SPTB: variants seen among roughly 807,000 people sequenced by gnomAD.
The protein encoded by SPTB is spectrin beta chain, erythrocytic.
A neutral mutation model predicts 256.2 loss-of-function variants in SPTB; 45 were observed. The ratio of observed to expected loss-of-function variants is 0.18; its 90% CI spans 0.14 to 0.23. SPTB has a LOEUF of 0.23. Ranked by LOEUF, SPTB falls within the 10% of genes least tolerant of loss-of-function variation. The pLI, the probability that SPTB is intolerant of heterozygous loss-of-function variation, is 1.00. For missense variants in SPTB, 2,715 were observed against 3,040.4 expected, an observed-to-expected ratio of 0.89 and a Z score of 2.52; for synonymous variants, 1,231 against 1,243.1, an observed-to-expected ratio of 0.99 and a Z score of 0.21.
intron 1 of SPTB, among the ~76,000 whole-genome samples, chr14:64,837,262 T>C (rs915235433): frequency 3.3e-5 from 5 of 152,204 alleles, no homozygotes; most frequent in Non-Finnish European, 5.9e-5. Flanking sequence ...TCCAACCCTA[T>C]TCTAGCATCT....
Position 64,805,159 on chromosome 14 carries a change from G to A in SPTB, c.149-69C>T, listed in dbSNP as rs2082959430. On this transcript the variant is annotated intron_variant, in intron 2 of 35. Coordinates refer to ENST00000644917, the MANE Select transcript of SPTB (RefSeq NM_001355436.2). ...GGGTCAGTGTGACATGGGGCCAAGGGGTTTTACCTTAAGCCCAGGGTACCC... is the reference window on the plus strand; with the variant it reads ...GGGTCAGTGTGACATGGGGCCAAGGAGTTTTACCTTAAGCCCAGGGTACCC... 1.9e-6 allele frequency: 3 copies of A among 1,584,008 alleles called. No homozygotes were observed. In the Admixed American group the frequency reaches 5.0e-5, roughly 26 times the overall value.
chr14:64,769,392 G>GC (rs564840313), intron 28 of SPTB, among the ~76,000 whole-genome samples, 198 bp downstream of exon 28: 208 of 152,310 alleles, frequency 1.4e-3, no homozygotes, highest in African/African-American at 4.8e-3. Flanking sequence ...TTACTGAGTG[G>GC]CCAGCTCCTT....
chr14:64,798,233 G>T (rs1212550600), intron 9 of SPTB, among the ~76,000 whole-genome samples: 1 of 152,178 alleles, frequency 6.6e-6, no homozygotes, highest in African/African-American at 2.4e-5. Context: ...CTTCTTACTA[G>T]CTCTCTGGTC....
Position 64,769,798 on chromosome 14 carries a change from G to GA in SPTB, c.5799-71dup, listed in dbSNP as rs1377106182. 7.9e-5 allele frequency: 127 copies of GA among 1,605,966 alleles called. 1 individual carries two copies. In the East Asian group the frequency reaches 2.7e-3, roughly 34 times the overall value. On this transcript the variant is annotated intron_variant, in intron 27 of 35. Coordinates refer to ENST00000644917, the MANE Select transcript of SPTB (RefSeq NM_001355436.2). ...CTGGCCTGCCTCTGTGTCCCAACCAGAGGGGCCCACCTCCCCCTGCCTGTG... is the reference window on the plus strand; with the variant it reads ...CTGGCCTGCCTCTGTGTCCCAACCAGAAGGGGCCCACCTCCCCCTGCCTGTG...
At chr14:64,808,821 T>C (rs376867245) in intron 2 of SPTB, among the ~76,000 whole-genome samples, 180 of 152,156 alleles carry the variant, frequency 1.2e-3, no homozygotes, top group Middle Eastern at 3.4e-3. Flanking sequence ...ACATGACACA[T>C]ATGGTCAATG....
chr14:64,850,176 C>G (rs372190577), intron 1 of SPTB, among the ~76,000 whole-genome samples: 1 of 152,308 alleles, frequency 6.6e-6, no homozygotes, highest in African/African-American at 2.4e-5. Context: ...GTGAAGAGGA[C>G]AAGAAGGACT....
intron 32 of SPTB, 176 bp downstream of exon 32, chr14:64,766,548 AAC>A: frequency 6.5e-7 from 1 of 1,542,026 alleles, no homozygotes; most frequent in Non-Finnish European, 8.7e-7. Flanking sequence ...TCTCATGAAG[AAC>A]ACCTCAGTGA....
At position 64,790,975 on chromosome 14, in the gene SPTB, C is replaced by A. The variant is rs1193235920; in HGVS notation, c.2804+744G>T. Reference sequence around the variant, plus strand: ...CAAGCCAGCCTCATTATCGATACTGCATTTGGCAGAGGCAGGAGCATTATT... The same window carrying A: ...CAAGCCAGCCTCATTATCGATACTGAATTTGGCAGAGGCAGGAGCATTATT... On this transcript the variant is annotated intron_variant, in intron 15 of 35. Coordinates refer to ENST00000644917, the MANE Select transcript of SPTB (RefSeq NM_001355436.2). The surrounding 1 kb of genome is among the most constrained non-coding windows in gnomAD (Gnocchi z 4.8). Among the ~76,000 whole-genome samples the A allele has an allele frequency of 6.6e-6, 1 of 152,192 alleles. No individual in the cohort carries two copies. Among genetic ancestry groups the A allele is most frequent in the African/African-American group, 2.4e-5 (1 of 41,450 alleles).
rs902847516 is a variant in SPTB, at chr14:64,748,311, G to C, written c.*995C>G. 3 of 152,264 alleles carry C rather than the reference G, an allele frequency of 2.0e-5. No homozygotes were observed. Among genetic ancestry groups the C allele is most frequent in the Non-Finnish European group, 2.9e-5 (2 of 68,100 alleles). 9.4% of individuals were successfully genotyped at this position (152,264 alleles called of 1,614,324 possible). A position where few individuals can be genotyped will look rare whatever the true frequency, so the allele number is the denominator to read the frequency against. On this transcript the variant is annotated 3_prime_UTR_variant, in exon 36 of 36. Coordinates refer to ENST00000644917, the MANE Select transcript of SPTB (RefSeq NM_001355436.2). ...GGATGCTTTACTGCAGGTGCGGGGG[G>C]TATCCATCTTATATCTGGGGGCCCA...
chr14:64,859,682 C>G (rs150067778), intron 1 of SPTB, among the ~76,000 whole-genome samples: 2,859 of 98,244 alleles, frequency 0.029, 47 homozygotes, highest in Non-Finnish European at 0.045. Flanking sequence ...GAGACTCTGT[C>G]TCTCTCTCTC....
intron 24 of SPTB, among the ~76,000 whole-genome samples, chr14:64,773,627 G>A (rs567048454): frequency 6.6e-6 from 1 of 152,330 alleles, no homozygotes; most frequent in South Asian, 2.1e-4. Flanking sequence ...GACACACTGT[G>A]TCCTGGAATT....
In SPTB at chr14:64,844,978, T is replaced by C. The variant is rs1030919251; in HGVS notation, c.-51-21833A>G. Among the ~76,000 whole-genome samples the C allele has an allele frequency of 2.0e-5, 3 of 151,500 alleles. No individual in the cohort carries two copies. ...CAGAAATAAGACCCAGAATCTCAAGTCTTTGAGCTCTTGCTCTCACTGCAT... is the reference window on the plus strand; with the variant it reads ...CAGAAATAAGACCCAGAATCTCAAGCCTTTGAGCTCTTGCTCTCACTGCAT... On this transcript the variant is annotated intron_variant, in intron 1 of 35. Transcript: ENST00000644917. The surrounding 1 kb of genome is among the most constrained non-coding windows in gnomAD (Gnocchi z 4.1).
rs998476582 is a variant in SPTB, at chr14:64,805,152, G to A, written c.149-62C>T. ...GTTGGCAGGGTCAGTGTGACATGGG[G>A]CCAAGGGGTTTTACCTTAAGCCCAG... is the stretch of plus-strand genomic sequence containing the variant. On this transcript the variant is annotated intron_variant, in intron 2 of 35. Coordinates refer to ENST00000644917, the MANE Select transcript of SPTB (RefSeq NM_001355436.2). 12 of 1,600,146 alleles carry A rather than the reference G, an allele frequency of 7.5e-6. No homozygotes were observed. In the Admixed American group the frequency reaches 8.3e-5, roughly 11 times the overall value.
In SPTB at chr14:64,785,605, C is replaced by T; in HGVS notation, c.3787G>A (p.Ala1263Thr). ...EDRHRKNNEKAQEASVLLRDN... is the reference protein window; with the variant it reads ...EDRHRKNNEKTQEASVLLRDN... ...CTCAGTAGGACAGAGGCCTCCTGGG[C>T]CTTCTCGTTGTTCTTCCTGTGCCTG... The change falls in exon 18 of 36, where the codon GCC becomes ACC. Residue 1263 changes from alanine to threonine, a missense_variant. Ala to Thr is a moderately conservative substitution (Grantham distance 58). This residue lies in a region of SPTB where 2,239 missense variants were observed against 2,384.4 expected (regional missense o/e 0.94). Coordinates refer to ENST00000644917, the MANE Select transcript of SPTB (RefSeq NM_001355436.2). The surrounding 1 kb of genome is among the most constrained non-coding windows in gnomAD (Gnocchi z 4.4). 6.2e-7 allele frequency: 1 copy of T among 1,614,138 alleles called. No homozygotes were observed. Among genetic ancestry groups the T allele is most frequent in the Non-Finnish European group, 8.5e-7 (1 of 1,180,022 alleles).
rs1566725580 is a variant in SPTB, at chr14:64,746,539, A to T, written c.*2767T>A. 1 of 152,544 alleles carries T rather than the reference A, an allele frequency of 6.6e-6. No individual in the cohort carries two copies. Among genetic ancestry groups the T allele is most frequent in the Non-Finnish European group, 1.5e-5 (1 of 68,030 alleles). The allele number at this position is 152,544 out of a possible 1,614,324, so 9.4% of individuals were successfully genotyped here. A position where few individuals can be genotyped will look rare whatever the true frequency, so the allele number is the denominator to read the frequency against. On this transcript the variant is annotated 3_prime_UTR_variant, in exon 36 of 36. Coordinates refer to ENST00000644917, the MANE Select transcript of SPTB (RefSeq NM_001355436.2). The surrounding 1 kb of genome is among the most constrained non-coding windows in gnomAD (Gnocchi z 4.9). ...CTGGATTCCTGCCCCCCTCCCATGA[A>T]GGGAGGAAGAGGATTCAGGGTCAGC...
rs1375159286 is a variant in SPTB, at chr14:64,793,656, C to T, written c.2007G>A (p.Leu669=). ...IYSSLDYGKD[L]TSVLILQRKH... ...TGCGCTGTAAGATGAGCACACTGGT[C>T]AGGTCTTTGCCATAGTCCAGGGAAG... Residue 669 remains leucine (L), a synonymous_variant, in exon 14 of 36, where the codon CTG becomes CTA. Coordinates refer to ENST00000644917, the MANE Select transcript of SPTB (RefSeq NM_001355436.2). The surrounding 1 kb of genome is among the most constrained non-coding windows in gnomAD (Gnocchi z 7.0). 1 of 1,614,186 alleles carries T rather than the reference C, an allele frequency of 6.2e-7. No homozygotes were observed. Among genetic ancestry groups the T allele is most frequent in the Non-Finnish European group, 8.5e-7 (1 of 1,180,044 alleles).
chr14:64,757,397 G>A (rs963695806), intron 32 of SPTB: 27 of 152,236 alleles, frequency 1.8e-4, no homozygotes, highest in African/African-American at 6.5e-4. Flanking sequence ...TGGGTGCCTG[G>A]CCCACATTCC....
rs567375835 is a variant in SPTB, at chr14:64,788,181, C to T, written c.2805-1021G>A. Reference sequence around the variant, plus strand: ...AATGGGGTGACAGTTGCTCACGTGACCTCCACACAACCCATCACTGGACAC... The same window carrying T: ...AATGGGGTGACAGTTGCTCACGTGATCTCCACACAACCCATCACTGGACAC... On this transcript the variant is annotated intron_variant, in intron 15 of 35. Coordinates refer to ENST00000644917, the MANE Select transcript of SPTB (RefSeq NM_001355436.2). 5.5e-4 allele frequency among the ~76,000 whole-genome samples: 83 copies of T among 152,244 alleles called. No homozygotes were observed. The South Asian group carries it at 0.017, about 31-fold the overall frequency.
In SPTB at chr14:64,758,961, G is replaced by A. The variant is rs1346029625; in HGVS notation, c.6346-5168C>T. Among the ~76,000 whole-genome samples the A allele has an allele frequency of 3.9e-5, 6 of 152,154 alleles. No homozygotes were observed. The highest frequency in any genetic ancestry group is 8.8e-5 in the Non-Finnish European group (6 of 68,014). On this transcript the variant is annotated intron_variant, in intron 32 of 35. Coordinates refer to ENST00000644917, the MANE Select transcript of SPTB (RefSeq NM_001355436.2). This position sits in a 1 kb window ranked among gnomAD's most constrained non-coding sequence, Gnocchi z 4.6. ...CAACAATGGGGGCCTTATCAGGGAAGGGGGTGGGGGAGGCTGGAGATGGGG... is the reference window on the plus strand; with the variant it reads ...CAACAATGGGGGCCTTATCAGGGAAAGGGGTGGGGGAGGCTGGAGATGGGG...
Sources: allele counts gnomAD v4.1 joint callset (sites outside exome capture counted in the v4.1 genomes callset), GRCh38; gene constraint gnomAD v4.1.1; regional missense constraint gnomAD v4.1.1; non-coding constraint Gnocchi (gnomAD v3.1); transcripts MANE v1.5; gene names NCBI Gene and HGNC (gene_info 2026-07-23, HGNC 2026-07-21).